The following ENTREP3 variants were observed in gnomAD, a reference collection of about 807,000 sequenced individuals.
ENTREP3 encodes protein ENTREP3.
chr1:155,250,911 G>C, the ENTREP3 span: 3 of 1,377,084 alleles, frequency 2.2e-6, no homozygotes, highest in Non-Finnish European at 3.0e-6. This position sits in a 1 kb window ranked among gnomAD's most constrained non-coding sequence, Gnocchi z 5.4. Context: ...CCAGCCTCTA[G>C]GGGCCACTGT....
the ENTREP3 span, chr1:155,247,925 G>T: frequency 6.3e-7 from 1 of 1,596,922 alleles, no homozygotes; most frequent in South Asian, 1.1e-5. Flanking sequence ...AGGCTCTCTC[G>T]GCCAGGCCGG....
At chr1:155,247,399 C>T in the ENTREP3 span, 1 of 512,078 alleles carries the variant, frequency 2.0e-6, no homozygotes, top group East Asian at 5.3e-5. Flanking sequence ...GCCTGCCTTA[C>T]CACCCCATTG....
chr1:155,253,966 A>T, the ENTREP3 span: 1 of 1,612,936 alleles, frequency 6.2e-7, no homozygotes, highest in Non-Finnish European at 8.5e-7. Flanking sequence ...CAGCACACAC[A>T]GACCTTTCCT....
At chr1:155,249,873 G>A in the ENTREP3 span, among the ~76,000 whole-genome samples, 4 of 136,446 alleles carry the variant, frequency 2.9e-5, no homozygotes, top group South Asian at 4.8e-4. Flanking sequence ...GTGACAGAGC[G>A]AGACACCGTC....
chr1:155,247,632 G>T, the ENTREP3 span: 1 of 785,740 alleles, frequency 1.3e-6, no homozygotes. Context: ...AGCAGCAAGA[G>T]ACCCCAGAGG....
the ENTREP3 span, chr1:155,253,960 A>C: frequency 3.1e-6 from 5 of 1,613,032 alleles, no homozygotes; most frequent in Non-Finnish European, 4.2e-6. Context: ...GAGGGACAGC[A>C]CACACAGACC....
chr1:155,254,732 A>T, the ENTREP3 span: 1 of 1,613,754 alleles, frequency 6.2e-7, no homozygotes, highest in Non-Finnish European at 8.5e-7. The surrounding 1 kb of genome is among the most constrained non-coding windows in gnomAD (Gnocchi z 4.4). Context: ...GCTGAAGGTG[A>T]CCACCAGGAT....
chr1:155,254,846 G>A, the ENTREP3 span: 2 of 1,587,210 alleles, frequency 1.3e-6, no homozygotes, highest in South Asian at 1.1e-5. This position sits in a 1 kb window ranked among gnomAD's most constrained non-coding sequence, Gnocchi z 4.4. Context: ...GCTGGTCAGC[G>A]AGCGGCTGGA....
the ENTREP3 span, chr1:155,248,260 A>C: frequency 6.2e-7 from 1 of 1,601,732 alleles, no homozygotes; most frequent in African/African-American, 1.3e-5. Flanking sequence ...ACTTGGGGGA[A>C]GGGCAGCGGG....
At chr1:155,252,518 C>G in the ENTREP3 span, among the ~76,000 whole-genome samples, 1 of 149,742 alleles carries the variant, frequency 6.7e-6, no homozygotes, top group South Asian at 2.1e-4. Flanking sequence ...TACAGGCACC[C>G]GCCACCACAC....
the ENTREP3 span, chr1:155,251,095 C>T: frequency 1.9e-6 from 3 of 1,612,078 alleles, no homozygotes; most frequent in East Asian, 2.2e-5. Flanking sequence ...CCCTGCTCAC[C>T]GTCTACAATG....
At chr1:155,250,028 A>G in the ENTREP3 span, among the ~76,000 whole-genome samples, 1 of 151,920 alleles carries the variant, frequency 6.6e-6, no homozygotes, top group Non-Finnish European at 1.5e-5. The surrounding 1 kb of genome is among the most constrained non-coding windows in gnomAD (Gnocchi z 5.4). Context: ...ACTGCACTCC[A>G]GCCTGGGCGA....
the ENTREP3 span, chr1:155,255,107 G>C: frequency 1.7e-6 from 1 of 592,518 alleles, no homozygotes; most frequent in East Asian, 2.8e-5. This position sits in a 1 kb window ranked among gnomAD's most constrained non-coding sequence, Gnocchi z 5.6. Context: ...GGCACTGGAC[G>C]GGCACCGTGC....
chr1:155,247,925 G>A, the ENTREP3 span: 17 of 1,596,922 alleles, frequency 1.1e-5, no homozygotes, highest in Admixed American at 5.2e-5. Context: ...AGGCTCTCTC[G>A]GCCAGGCCGG....
At chr1:155,251,178 A>G in the ENTREP3 span, 2 of 1,587,578 alleles carry the variant, frequency 1.3e-6, no homozygotes, top group Non-Finnish European at 1.7e-6. Flanking sequence ...CAGAAGACAC[A>G]GGGTCAAGGG....
the ENTREP3 span, chr1:155,247,906 C>G: frequency 1.3e-6 from 2 of 1,588,580 alleles, no homozygotes; most frequent in Non-Finnish European, 1.7e-6. Flanking sequence ...TCCGCAGCTG[C>G]GAAGGTGGAG....
chr1:155,249,682 A>C, the ENTREP3 span, among the ~76,000 whole-genome samples: 1 of 152,028 alleles, frequency 6.6e-6, no homozygotes, highest in Non-Finnish European at 1.5e-5. Flanking sequence ...GATTGAGACC[A>C]TCCTGGATAA....
the ENTREP3 span, chr1:155,254,563 G>A: frequency 6.4e-7 from 1 of 1,561,374 alleles, no homozygotes; most frequent in Non-Finnish European, 8.8e-7. This position sits in a 1 kb window ranked among gnomAD's most constrained non-coding sequence, Gnocchi z 4.4. Flanking sequence ...ACCAGGAGAG[G>A]GAGGAGAGGC....
At chr1:155,250,481 G>C in the ENTREP3 span, 35 of 1,483,250 alleles carry the variant, frequency 2.4e-5, no homozygotes, top group Non-Finnish European at 3.1e-5. The surrounding 1 kb of genome is among the most constrained non-coding windows in gnomAD (Gnocchi z 5.4). Context: ...GCTCGGGGAA[G>C]CAGGGTCCCA....
Sources: allele counts gnomAD v4.1 joint callset (sites outside exome capture counted in the v4.1 genomes callset), GRCh38; gene constraint gnomAD v4.1.1; non-coding constraint Gnocchi (gnomAD v3.1); transcripts MANE v1.5; gene names NCBI Gene and HGNC (gene_info 2026-07-23, HGNC 2026-07-21).